The following UGGT2 variants were observed in gnomAD, a reference collection of about 807,000 sequenced individuals.
The protein encoded by UGGT2 is UDP-glucose:glycoprotein glucosyltransferase 2.
UGGT2 carries 180 observed loss-of-function variants against 192.1 expected under a neutral mutation model. That is an observed-to-expected ratio of 0.94 (90% confidence interval 0.83 to 1.06). UGGT2 has a LOEUF of 1.06. Ranked by LOEUF, UGGT2 falls within the 50% of genes least tolerant of loss-of-function variation. The pLI is 0.00. For missense variants in UGGT2, 1,849 were observed against 1,795.7 expected, an observed-to-expected ratio of 1.03 and a Z score of -0.54; for synonymous variants, 580 against 591.0, an observed-to-expected ratio of 0.98 and a Z score of 0.27.
intron 20 of UGGT2, among the ~76,000 whole-genome samples, chr13:95,919,971 C>G (rs1274275242): frequency 2.0e-5 from 3 of 152,108 alleles, no homozygotes; most frequent in African/African-American, 7.2e-5. Flanking sequence ...GCTACAGTAA[C>G]CAAGATGGCA....
At chr13:95,839,292 C>A (rs955267369) in intron 36 of UGGT2, among the ~76,000 whole-genome samples, 1 of 152,184 alleles carries the variant, frequency 6.6e-6, no homozygotes, top group Non-Finnish European at 1.5e-5. Context: ...ATTTCACACA[C>A]TGTCCTCATA....
chr13:95,972,700 C>G (rs2050812720), intron 10 of UGGT2, 29 bp from the exon 11 acceptor site: 1 of 1,542,876 alleles, frequency 6.5e-7, no homozygotes, highest in Non-Finnish European at 9.0e-7. Context: ...AATAGTTAAC[C>G]AGTGATAGAA....
At chr13:95,880,063 G>A (rs1361122237) in intron 27 of UGGT2, among the ~76,000 whole-genome samples, 1 of 152,024 alleles carries the variant, frequency 6.6e-6, no homozygotes, top group African/African-American at 2.4e-5. Flanking sequence ...CCCGTGACAG[G>A]CCCCGGGTGT....
chr13:95,835,185 T>A (rs981594661), intron 37 of UGGT2, among the ~76,000 whole-genome samples: 2 of 152,188 alleles, frequency 1.3e-5, no homozygotes, highest in African/African-American at 4.8e-5. Flanking sequence ...AACAGCCACA[T>A]AAGGCAAGTG....
At chr13:96,043,822 T>G (rs2053231854) in intron 1 of UGGT2, among the ~76,000 whole-genome samples, 1 of 152,088 alleles carries the variant, frequency 6.6e-6, no homozygotes, top group Non-Finnish European at 1.5e-5. Context: ...AATATTACAA[T>G]CTGAAATATA....
chr13:95,804,612 G>A (rs1884216771), intron 38 of UGGT2, among the ~76,000 whole-genome samples: 1 of 152,102 alleles, frequency 6.6e-6, no homozygotes, highest in Non-Finnish European at 1.5e-5. Flanking sequence ...TAGCCCAATG[G>A]AATAGAGAGC....
At chr13:95,874,636 G>A (rs1891504333) in intron 29 of UGGT2, among the ~76,000 whole-genome samples, 1 of 152,130 alleles carries the variant, frequency 6.6e-6, no homozygotes, top group Non-Finnish European at 1.5e-5. Context: ...TGAAACCACA[G>A]AAAGCAAATT....
At chr13:95,955,752 A>T (rs537720567) in intron 12 of UGGT2, among the ~76,000 whole-genome samples, 3 of 152,182 alleles carry the variant, frequency 2.0e-5, no homozygotes, top group Non-Finnish European at 4.4e-5. Flanking sequence ...GGGCTGCTGC[A>T]TATTATTGTT....
At chr13:95,832,528 T>C (rs932906827) in intron 38 of UGGT2, among the ~76,000 whole-genome samples, 3 of 152,106 alleles carry the variant, frequency 2.0e-5, no homozygotes, top group Admixed American at 6.6e-5. Flanking sequence ...GAGATTAATT[T>C]TGGAGATAGG....
chr13:96,022,192 G>C (rs974486137), intron 4 of UGGT2, among the ~76,000 whole-genome samples: 3 of 151,900 alleles, frequency 2.0e-5, no homozygotes, highest in African/African-American at 7.2e-5. Context: ...CTAGGTACCT[G>C]AGGAAAAAAA....
intron 20 of UGGT2, among the ~76,000 whole-genome samples, chr13:95,920,585 A>G (rs186949621): frequency 1.3e-3 from 201 of 152,332 alleles, no homozygotes; most frequent in Non-Finnish European, 2.1e-3. Context: ...AAATATGGGG[A>G]AAAAAGCTCC....
intron 15 of UGGT2, 125 bp from the exon 16 acceptor site, chr13:95,940,216 T>C: frequency 1.8e-6 from 1 of 552,892 alleles, no homozygotes; most frequent in Non-Finnish European, 2.8e-6. Context: ...CATACACACA[T>C]ACCACATAAA....
chr13:95,830,455 C>A (rs1446191278), intron 38 of UGGT2, among the ~76,000 whole-genome samples: 1 of 152,098 alleles, frequency 6.6e-6, no homozygotes, highest in African/African-American at 2.4e-5. Context: ...ACAACCCCAT[C>A]AAAAAGTGGG....
intron 2 of UGGT2, among the ~76,000 whole-genome samples, chr13:96,024,917 G>C (rs773318696): frequency 1.3e-5 from 2 of 152,174 alleles, no homozygotes; most frequent in Non-Finnish European, 2.9e-5. Flanking sequence ...TTTGCTGATT[G>C]TGACAATGTT....
intron 1 of UGGT2, among the ~76,000 whole-genome samples, chr13:96,036,813 G>A (rs2139180779): frequency 6.6e-6 from 1 of 152,278 alleles, no homozygotes; most frequent in Non-Finnish European, 1.5e-5. Context: ...AGGCTGGAGT[G>A]CAGTGGTGCA....
At chr13:95,921,164 G>A (rs1369199723) in intron 20 of UGGT2, among the ~76,000 whole-genome samples, 17 of 151,874 alleles carry the variant, frequency 1.1e-4, no homozygotes. Flanking sequence ...GGACAAAATG[G>A]CATAAACAAC....
At chr13:95,969,375 G>A (rs1001843397) in intron 12 of UGGT2, among the ~76,000 whole-genome samples, 2 of 152,180 alleles carry the variant, frequency 1.3e-5, no homozygotes, top group African/African-American at 4.8e-5. Flanking sequence ...GGTCTTGCAA[G>A]TCCTTCTAGC....
intron 36 of UGGT2, among the ~76,000 whole-genome samples, chr13:95,843,882 C>T (rs977278670): frequency 6.6e-6 from 1 of 152,092 alleles, no homozygotes; most frequent in African/African-American, 2.4e-5. Flanking sequence ...TATATTATGT[C>T]TTAAAACAAG....
At chr13:95,863,279 C>T in intron 31 of UGGT2, among the ~76,000 whole-genome samples, 1 of 152,134 alleles carries the variant, frequency 6.6e-6, no homozygotes, top group Non-Finnish European at 1.5e-5. Context: ...AGGAACATAC[C>T]CAATCATTTT....
Sources: allele counts gnomAD v4.1 joint callset (sites outside exome capture counted in the v4.1 genomes callset), GRCh38; gene constraint gnomAD v4.1.1; transcripts MANE v1.5; gene names NCBI Gene and HGNC (gene_info 2026-07-23, HGNC 2026-07-21).